TSGA10: variants seen among roughly 807,000 people sequenced by gnomAD.
TSGA10 encodes the protein testis specific 10, also known as testis-specific gene 10 protein.
A neutral mutation model predicts 96.6 loss-of-function variants in TSGA10; 43 were observed. The observed-to-expected ratio is 0.44, with a 90% CI of 0.35 to 0.57. TSGA10 has a LOEUF of 0.57. Ranked by LOEUF, TSGA10 falls within the 20% of genes least tolerant of loss-of-function variation. The pLI, the probability that TSGA10 is intolerant of heterozygous loss-of-function variation, is 0.01. For missense variants in TSGA10, 703 were observed against 834.4 expected, an observed-to-expected ratio of 0.84 and a Z score of 1.94; for synonymous variants, 229 against 269.9, an observed-to-expected ratio of 0.85 and a Z score of 1.48.
chr2:99,148,603 C>T (rs1041299187), intron 1 of TSGA10, among the ~76,000 whole-genome samples: 1 of 152,172 alleles, frequency 6.6e-6, no homozygotes, highest in African/African-American at 2.4e-5. Context: ...TCAGTAATTA[C>T]AGCTTGATGA....
intron 16 of TSGA10, among the ~76,000 whole-genome samples, chr2:99,043,883 C>A (rs2082459653): frequency 6.6e-6 from 1 of 152,146 alleles, no homozygotes; most frequent in Non-Finnish European, 1.5e-5. Flanking sequence ...ATTCAACATT[C>A]TTAAAGAAAA....
intron 17 of TSGA10, among the ~76,000 whole-genome samples, chr2:99,023,403 T>C (rs1453276571): frequency 1.5e-5 from 2 of 131,678 alleles, no homozygotes; most frequent in Admixed American, 8.2e-5. Flanking sequence ...GCACAGAAGG[T>C]TTTTTTTTTT....
chr2:99,049,249 C>G (rs750635147), intron 16 of TSGA10, among the ~76,000 whole-genome samples: 54 of 152,196 alleles, frequency 3.5e-4, no homozygotes, highest in Non-Finnish European at 5.3e-4. Flanking sequence ...AAAAGGATTA[C>G]AAATCATGCT....
At chr2:99,118,981 C>G (rs2104926148) in intron 2 of TSGA10, among the ~76,000 whole-genome samples, 1 of 152,076 alleles carries the variant, frequency 6.6e-6, no homozygotes, top group East Asian at 1.9e-4. Context: ...GCATTAAAAA[C>G]AACAGCAACA....
At chr2:99,052,694 C>T (rs970786037) in intron 16 of TSGA10, among the ~76,000 whole-genome samples, 3 of 151,204 alleles carry the variant, frequency 2.0e-5, no homozygotes, top group South Asian at 2.1e-4. Flanking sequence ...GCCAAGATCG[C>T]GCCACTGCAC....
Position 99,127,246 on chromosome 2 carries a change from T to C in TSGA10, c.-620-70A>G, listed in dbSNP as rs1352600061. On this transcript the variant is annotated intron_variant, in intron 1 of 20. Transcript: ENST00000393483. ...ACAGCTCTGTGATTTCTTACATCAATACATTTTGAAAATTGATAATATTCT... is the reference window on the plus strand; with the variant it reads ...ACAGCTCTGTGATTTCTTACATCAACACATTTTGAAAATTGATAATATTCT... 5 of 1,090,738 alleles carry C rather than the reference T, an allele frequency of 4.6e-6. No homozygotes were observed. In the African/African-American group the frequency reaches 6.8e-5, roughly 15 times the overall value. The allele number at this position is 1,090,738 out of a possible 1,614,324, so 67.6% of individuals were successfully genotyped here.
intron 12 of TSGA10, among the ~76,000 whole-genome samples, chr2:99,078,346 T>C (rs1186662132): frequency 6.6e-6 from 1 of 152,004 alleles, no homozygotes; most frequent in Non-Finnish European, 1.5e-5. Context: ...AAATATGCTT[T>C]TAAGAAGAAA....
At chr2:99,132,474 T>A (rs1406206636) in intron 1 of TSGA10, among the ~76,000 whole-genome samples, 2 of 152,074 alleles carry the variant, frequency 1.3e-5, no homozygotes, top group South Asian at 2.1e-4. Flanking sequence ...AGTGGTAATA[T>A]CTCCTTTATC....
chr2:99,144,859 T>C (rs1222871956), intron 1 of TSGA10, among the ~76,000 whole-genome samples: 1 of 152,114 alleles, frequency 6.6e-6, no homozygotes. Flanking sequence ...GGAGAAGGTT[T>C]GGCATAGAAT....
At chr2:99,062,421 C>A (rs902170810) in intron 16 of TSGA10, among the ~76,000 whole-genome samples, 1 of 152,154 alleles carries the variant, frequency 6.6e-6, no homozygotes, top group East Asian at 1.9e-4. Context: ...AACCTCAAGT[C>A]CCCTGCACAT....
At position 99,105,606 on chromosome 2, in the gene TSGA10, ACTC is replaced by A; in HGVS notation, c.299_301del (p.Arg100_Val101delinsLeu). 1 of 1,610,204 alleles carries A rather than the reference ACTC, an allele frequency of 6.2e-7. No homozygotes were observed. The highest frequency in any genetic ancestry group is 8.5e-7 in the Non-Finnish European group (1 of 1,176,874). ...AAAGGCTACATCTCTTTCAGTCTCC[ACTC>A]GCCGGAGAATAGCATGTGCCGTTGT... On this transcript the variant is annotated inframe_deletion, in exon 8 of 21. Coordinates refer to ENST00000393483, the MANE Select transcript of TSGA10 (RefSeq NM_025244.4).
rs112212764 is a variant in TSGA10, at chr2:99,059,017, C to T, written c.1404+5922G>A. 2.0e-3 allele frequency among the ~76,000 whole-genome samples: 282 copies of T among 140,818 alleles called. 1 individual carries two copies. Among genetic ancestry groups the T allele is most frequent in the African/African-American group, 7.2e-3 (270 of 37,610 alleles). 92.4% of individuals were successfully genotyped at this position (140,818 alleles called of 152,430 possible). A position where few individuals can be genotyped will look rare whatever the true frequency, so the allele number is the denominator to read the frequency against. On this transcript the variant is annotated intron_variant, in intron 16 of 20. Coordinates refer to ENST00000393483, the MANE Select transcript of TSGA10 (RefSeq NM_025244.4). ...CACCAGTGTGCTCCAGTCTGGGCAA[C>T]AGAGTGAGACTCTGTCTCAAAAAAA...
At chr2:99,092,532 A>G (rs542725498) in intron 10 of TSGA10, among the ~76,000 whole-genome samples, 4 of 152,298 alleles carry the variant, frequency 2.6e-5, no homozygotes, top group African/African-American at 9.6e-5. Context: ...ACCATTAGCG[A>G]GATTTAACTA....
intron 20 of TSGA10, among the ~76,000 whole-genome samples, chr2:99,013,573 C>T (rs1264377598): frequency 2.6e-5 from 4 of 151,596 alleles, no homozygotes; most frequent in East Asian, 2.0e-4. Context: ...TGTCGTGATC[C>T]GCCTGCCTCC....
At chr2:99,035,616 T>C (rs949727759) in intron 16 of TSGA10, among the ~76,000 whole-genome samples, 177 bp from the exon 17 acceptor site, 1 of 131,520 alleles carries the variant, frequency 7.6e-6, no homozygotes. Context: ...ATTCAGGTTT[T>C]GACTTTTTTT....
chr2:99,124,161 C>T (rs1366424150), intron 2 of TSGA10, among the ~76,000 whole-genome samples: 1 of 152,198 alleles, frequency 6.6e-6, no homozygotes, highest in Admixed American at 6.5e-5. Flanking sequence ...ATAACAACCA[C>T]CCTAATGGGT....
intron 10 of TSGA10, among the ~76,000 whole-genome samples, chr2:99,085,760 T>A (rs1558966112): frequency 6.6e-6 from 1 of 151,104 alleles, no homozygotes; most frequent in Non-Finnish European, 1.5e-5. Context: ...TAGATGAAGT[T>A]AAAAAAAATA....
chr2:99,061,299 C>T (rs774266502), intron 16 of TSGA10, among the ~76,000 whole-genome samples: 3 of 152,106 alleles, frequency 2.0e-5, no homozygotes, highest in Non-Finnish European at 4.4e-5. Context: ...CATCATTAGT[C>T]GTGAGGAAAA....
intron 1 of TSGA10, chr2:99,150,490 G>A: frequency 7.0e-7 from 1 of 1,429,808 alleles, no homozygotes; most frequent in Non-Finnish European, 9.4e-7. Context: ...CAGTAATCAA[G>A]TTGAAGAAAC....
Sources: gnomAD v4.1 joint callset for allele counts (sites outside exome capture counted in the v4.1 genomes callset) on GRCh38, gnomAD v4.1.1 for gene constraint, MANE v1.5 for transcripts, NCBI Gene and HGNC (gene_info 2026-07-23, HGNC 2026-07-21) for gene names.